SHISA6: variants seen among roughly 807,000 people sequenced by gnomAD.
SHISA6 encodes protein shisa-6.
A neutral mutation model predicts 47.9 loss-of-function variants in SHISA6; 22 were observed. That is an observed-to-expected ratio of 0.46 (90% confidence interval 0.33 to 0.66). SHISA6 has a LOEUF of 0.66. Among genes scored for constraint, SHISA6 ranks in the 30% least tolerant of loss-of-function variants. The pLI is 0.02. For synonymous variants in SHISA6, 388 were observed against 337.8 expected (o/e 1.15, Z -1.63); for missense variants, 680 against 764.6 (o/e 0.89, Z 1.30).
chr17:11,547,532 G>C lies in SHISA6; in HGVS notation c.896-4364G>C, dbSNP rs541763595. Among the ~76,000 whole-genome samples, 13 of 152,284 alleles carry C rather than the reference G, an allele frequency of 8.5e-5. No individual in the cohort carries two copies. In the South Asian group the frequency reaches 2.7e-3, roughly 32 times the overall value. ...AGGATATAACAACAATAAGAACACT[G>C]TGTATTGTTGCTCATGGAATAGTGC... On this transcript the variant is annotated intron_variant, in intron 3 of 5. Transcript: ENST00000441885.
chr17:11,520,327 C>G (rs1001890914), intron 3 of SHISA6, among the ~76,000 whole-genome samples: 1 of 152,196 alleles, frequency 6.6e-6, no homozygotes, highest in Admixed American at 6.5e-5. Flanking sequence ...AGTAGCATCC[C>G]TAATTTCCTT....
intron 2 of SHISA6, among the ~76,000 whole-genome samples, chr17:11,309,143 A>G (rs1910233110): frequency 6.6e-6 from 1 of 151,992 alleles, no homozygotes; most frequent in Admixed American, 6.6e-5. Context: ...TTAAAAAATG[A>G]TTTTAGAGAT....
chr17:11,364,262 A>G (rs1247349272), intron 2 of SHISA6, among the ~76,000 whole-genome samples: 1 of 152,204 alleles, frequency 6.6e-6, no homozygotes, highest in Non-Finnish European at 1.5e-5. Context: ...AGTTTCCTTC[A>G]TGTTCCTCTC....
In SHISA6 at chr17:11,350,182, A is replaced by ATTTTTTTTTTTTTTT. The variant is rs778331945; in HGVS notation, c.800-29231_800-29217dup. Among the ~76,000 whole-genome samples the ATTTTTTTTTTTTTTT allele has an allele frequency of 4.3e-5, 5 of 116,266 alleles. 1 individual carries two copies. In the East Asian group the frequency reaches 8.2e-4, roughly 19 times the overall value. 76.3% of individuals were successfully genotyped at this position (116,266 alleles called of 152,430 possible). On this transcript the variant is annotated intron_variant, in intron 2 of 5. Coordinates refer to ENST00000441885, the MANE Select transcript of SHISA6 (RefSeq NM_207386.4). ...AATTTATTTATTTATTTATTTATTT[A>ATTTTTTTTTTTTTTT]TTTTTTTTTTTTTTTGAGACGGAGT... is the stretch of plus-strand genomic sequence containing the variant.
intron 3 of SHISA6, among the ~76,000 whole-genome samples, chr17:11,528,104 C>A (rs2071701664): frequency 1.3e-5 from 2 of 152,114 alleles, no homozygotes; most frequent in South Asian, 4.1e-4. Context: ...GTTGGGGGTA[C>A]TTTATAACTG....
chr17:11,385,567 A>G (rs1035882380), intron 3 of SHISA6, among the ~76,000 whole-genome samples: 1 of 152,182 alleles, frequency 6.6e-6, no homozygotes, highest in Admixed American at 6.5e-5. Flanking sequence ...ATGCTTGTTA[A>G]CCATCCAGGT....
At position 11,301,068 on chromosome 17, in the gene SHISA6, A is replaced by AG. The variant is rs1268644397; in HGVS notation, c.799+37543dup. On this transcript the variant is annotated intron_variant, in intron 2 of 5. Coordinates refer to ENST00000441885, the MANE Select transcript of SHISA6 (RefSeq NM_207386.4). ...GAACTTCTCCAGTACAGCTGCGTGG[A>AG]GTCCCGTGCTCAGCTTCACTGTGGG... Among the ~76,000 whole-genome samples, 11 of 152,272 alleles carry AG rather than the reference A, an allele frequency of 7.2e-5. No individual in the cohort carries two copies. The East Asian group carries it at 2.1e-3, about 29-fold the overall frequency.
chr17:11,434,710 C>A (rs2142292435), intron 3 of SHISA6, among the ~76,000 whole-genome samples: 1 of 152,206 alleles, frequency 6.6e-6, no homozygotes, highest in African/African-American at 2.4e-5. Context: ...GTACCTATTA[C>A]CATTTTCTTT....
intron 2 of SHISA6, among the ~76,000 whole-genome samples, chr17:11,344,822 T>C (rs1347977921): frequency 6.6e-6 from 1 of 152,182 alleles, no homozygotes; most frequent in African/African-American, 2.4e-5. Flanking sequence ...TGAAAATATA[T>C]AATAAATTAT....
intron 2 of SHISA6, among the ~76,000 whole-genome samples, chr17:11,292,431 A>G (rs897799287): frequency 6.6e-6 from 1 of 152,144 alleles, no homozygotes; most frequent in African/African-American, 2.4e-5. Context: ...CATTCTGCAC[A>G]TGTATCCCAG....
At chr17:11,452,209 C>T (rs921634891) in intron 3 of SHISA6, among the ~76,000 whole-genome samples, 4 of 152,216 alleles carry the variant, frequency 2.6e-5, no homozygotes, top group East Asian at 1.9e-4. Context: ...CTGGGGATAT[C>T]GGTGCATAGC....
intron 2 of SHISA6, among the ~76,000 whole-genome samples, chr17:11,319,074 G>GTTT (rs57696970): frequency 1.5e-5 from 2 of 134,100 alleles, no homozygotes; most frequent in Non-Finnish European, 3.2e-5. Flanking sequence ...TTCTTCTTAT[G>GTTT]TTTTTTTTTT....
intron 3 of SHISA6, among the ~76,000 whole-genome samples, chr17:11,547,555 T>C (rs773881336): frequency 2.0e-4 from 30 of 152,190 alleles, no homozygotes; most frequent in Non-Finnish European, 4.0e-4. Flanking sequence ...CATGGAATAG[T>C]GCCAGAGAGA....
intron 2 of SHISA6, among the ~76,000 whole-genome samples, chr17:11,268,016 C>T (rs947039840): frequency 1.3e-5 from 2 of 152,118 alleles, no homozygotes; most frequent in Non-Finnish European, 2.9e-5. Context: ...AGCATGTTTG[C>T]CTGACCTCAC....
At chr17:11,294,327 C>T (rs999406570) in intron 2 of SHISA6, among the ~76,000 whole-genome samples, 1 of 152,248 alleles carries the variant, frequency 6.6e-6, no homozygotes, top group African/African-American at 2.4e-5. Context: ...GCTCTCACTT[C>T]AGCCTTGTTT....
chr17:11,351,584 C>A (rs1911895141), intron 2 of SHISA6, among the ~76,000 whole-genome samples: 1 of 152,216 alleles, frequency 6.6e-6, no homozygotes, highest in African/African-American at 2.4e-5. Context: ...ATCATGTATT[C>A]ATTACAGCAG....
At chr17:11,444,428 A>G (rs1422600695) in intron 3 of SHISA6, among the ~76,000 whole-genome samples, 4 of 152,196 alleles carry the variant, frequency 2.6e-5, no homozygotes, top group African/African-American at 4.8e-5. Flanking sequence ...CCCACATTAT[A>G]TGGCACATGT....
At chr17:11,436,130 C>A (rs1376284200) in intron 3 of SHISA6, among the ~76,000 whole-genome samples, 2 of 152,152 alleles carry the variant, frequency 1.3e-5, no homozygotes, top group African/African-American at 4.8e-5. Context: ...GGGAAAGAAT[C>A]CTCTTGGGTC....
chr17:11,390,442 T>C (rs1913347030), intron 3 of SHISA6, among the ~76,000 whole-genome samples: 1 of 152,182 alleles, frequency 6.6e-6, no homozygotes, highest in Non-Finnish European at 1.5e-5. Context: ...CCTCAAAGGA[T>C]GATGCACAGA....
Sources: allele counts gnomAD v4.1 joint callset (sites outside exome capture counted in the v4.1 genomes callset), GRCh38; gene constraint gnomAD v4.1.1; transcripts MANE v1.5; gene names NCBI Gene and HGNC (gene_info 2026-07-23, HGNC 2026-07-21).